Variants in KHDRBS2 observed in about 807,000 individuals in gnomAD.
KHDRBS2 encodes the protein KH RNA binding domain containing, signal transduction associated 2, also known as KH domain-containing, RNA-binding, signal transduction-associated protein 2.
In KHDRBS2, 26 loss-of-function variants were observed where a neutral mutation model predicts 44.3. That is an observed-to-expected ratio of 0.59 (90% CI 0.43 to 0.81). The LOEUF is 0.81. Among genes scored for constraint, KHDRBS2 ranks in the 40% least tolerant of loss-of-function variants. The probability of loss-of-function intolerance (pLI) is 0.00; values close to 1 mark genes in which losing one functional copy is unlikely to be tolerated. For synonymous variants in KHDRBS2, 194 were observed against 151.1 expected, an observed-to-expected ratio of 1.28 and a Z score of -2.08; for missense variants, 476 against 433.1, an observed-to-expected ratio of 1.10 and a Z score of -0.88.
intron 2 of KHDRBS2, among the ~76,000 whole-genome samples, chr6:62,119,357 G>A (rs1807057091): frequency 6.6e-6 from 1 of 152,156 alleles, no homozygotes; most frequent in South Asian, 2.1e-4. Flanking sequence ...TAAGTTCGCT[G>A]GACAAAGTGA....
chr6:61,714,199 A>G (rs920076695), intron 7 of KHDRBS2, among the ~76,000 whole-genome samples: 6 of 152,008 alleles, frequency 3.9e-5, no homozygotes, highest in Non-Finnish European at 8.8e-5. Context: ...ACTCAACATA[A>G]CAACAACAAA....
rs764399253 is a variant in KHDRBS2 at position 62,241,487 on chromosome 6, ATACATT to A, written c.91+44365_91+44370del. On this transcript the variant is annotated intron_variant, in intron 1 of 8. Coordinates refer to ENST00000281156, the MANE Select transcript of KHDRBS2 (RefSeq NM_152688.4). ...TAAGAAAACCAGCTGAGGTGAAAAAATACATTTACAAGTGCACTGTTCCACATAGTT... is the reference window on the plus strand; with the variant it reads ...TAAGAAAACCAGCTGAGGTGAAAAAATACAAGTGCACTGTTCCACATAGTT... 9.5e-4 allele frequency among the ~76,000 whole-genome samples: 144 copies of A among 152,312 alleles called. 1 individual carries two copies. The highest frequency in any genetic ancestry group is 1.6e-3 in the Non-Finnish European group (109 of 68,018).
intron 3 of KHDRBS2, among the ~76,000 whole-genome samples, chr6:62,047,464 C>T (rs74936322): frequency 1.3e-5 from 2 of 151,248 alleles, no homozygotes; most frequent in African/African-American, 4.9e-5. Flanking sequence ...GTAAGAGGAT[C>T]AAAGTGAAAT....
chr6:61,706,958 A>C (rs1037435974), intron 7 of KHDRBS2, among the ~76,000 whole-genome samples: 9 of 144,904 alleles, frequency 6.2e-5, no homozygotes, highest in African/African-American at 2.0e-4. Flanking sequence ...AAAAACAAAA[A>C]CAAAACAGTT....
At chr6:61,813,049 T>G (rs1188019617) in intron 6 of KHDRBS2, among the ~76,000 whole-genome samples, 2 of 152,090 alleles carry the variant, frequency 1.3e-5, no homozygotes, top group Non-Finnish European at 2.9e-5. Context: ...ATATGTAATG[T>G]GCAAAGTAAA....
At chr6:61,878,005 G>T (rs1799682378) in intron 6 of KHDRBS2, among the ~76,000 whole-genome samples, 1 of 151,898 alleles carries the variant, frequency 6.6e-6, no homozygotes, top group Non-Finnish European at 1.5e-5. Flanking sequence ...TCCATTTTTA[G>T]ATTATCTAAA....
chr6:61,983,581 G>A (rs537433230), intron 3 of KHDRBS2, among the ~76,000 whole-genome samples: 1 of 152,126 alleles, frequency 6.6e-6, no homozygotes, highest in African/African-American at 2.4e-5. Context: ...AAGTAGGGTG[G>A]TTGGTTCTTG....
At chr6:61,612,729 CAA>C in the KHDRBS2 span, among the ~76,000 whole-genome samples, 1 of 151,726 alleles carries the variant, frequency 6.6e-6, no homozygotes, top group Non-Finnish European at 1.5e-5. Context: ...GAAACTTGCC[CAA>C]GTCATCAACC....
intron 1 of KHDRBS2, among the ~76,000 whole-genome samples, chr6:62,203,487 T>G (rs903670761): frequency 9.2e-5 from 14 of 152,122 alleles, no homozygotes; most frequent in Non-Finnish European, 1.8e-4. Flanking sequence ...TTTGCACCAC[T>G]GGTAGTTGCA....
intron 6 of KHDRBS2, among the ~76,000 whole-genome samples, chr6:61,817,761 G>T (rs948932486): frequency 2.0e-5 from 3 of 151,616 alleles, no homozygotes; most frequent in African/African-American, 7.3e-5. Flanking sequence ...AGTCATTGGT[G>T]CATAATAAGT....
At chr6:61,749,009 C>CTTTTTTTTTTTTTT (rs34423906) in intron 6 of KHDRBS2, among the ~76,000 whole-genome samples, 4 of 97,220 alleles carry the variant, frequency 4.1e-5, no homozygotes, top group African/African-American at 8.2e-5. Flanking sequence ...TTCTTTCTTT[C>CTTTTTTTTTTTTTT]TTTTTTTTTT....
intron 1 of KHDRBS2, among the ~76,000 whole-genome samples, chr6:62,276,291 T>C (rs1401370879): frequency 6.6e-6 from 1 of 152,216 alleles, no homozygotes; most frequent in Non-Finnish European, 1.5e-5. Flanking sequence ...TAAATCAAGC[T>C]ATACTGTCTT....
chr6:62,116,765 C>T (rs1435182171), intron 2 of KHDRBS2, among the ~76,000 whole-genome samples: 1 of 152,006 alleles, frequency 6.6e-6, no homozygotes, highest in Non-Finnish European at 1.5e-5. Context: ...CTTTTCTGCG[C>T]CCTCCCACCC....
At chr6:61,920,793 TGAA>T (rs918149715) in intron 4 of KHDRBS2, among the ~76,000 whole-genome samples, 1 of 151,946 alleles carries the variant, frequency 6.6e-6, no homozygotes, top group African/African-American at 2.4e-5. Flanking sequence ...TGGTATGAAA[TGAA>T]GGTCTAAGGA....
intron 6 of KHDRBS2, among the ~76,000 whole-genome samples, chr6:61,873,897 T>C (rs1161041592): frequency 6.6e-6 from 1 of 152,002 alleles, no homozygotes; most frequent in African/African-American, 2.4e-5. Flanking sequence ...GGTCAATATA[T>C]CTGAGGAGAA....
chr6:61,681,175 G>A (rs748686704), intron 8 of KHDRBS2, 115 bp from the exon 9 acceptor site: 4 of 678,780 alleles, frequency 5.9e-6, no homozygotes, highest in African/African-American at 1.8e-5. Flanking sequence ...AACACCGAAC[G>A]CTAAAGCCTA....
chr6:62,285,371 C>T (rs1842342046), intron 1 of KHDRBS2, among the ~76,000 whole-genome samples: 1 of 152,166 alleles, frequency 6.6e-6, no homozygotes, highest in Admixed American at 6.5e-5. Flanking sequence ...TAGTTTAATG[C>T]ATAGGTTAAT....
intron 6 of KHDRBS2, among the ~76,000 whole-genome samples, chr6:61,882,488 C>G (rs1191633672): frequency 1.3e-5 from 2 of 151,980 alleles, no homozygotes; most frequent in East Asian, 3.9e-4. Context: ...AAATATGAGG[C>G]AGAAGGAATA....
chr6:61,729,456 C>T (rs1236172649), intron 7 of KHDRBS2, among the ~76,000 whole-genome samples: 2 of 152,106 alleles, frequency 1.3e-5, no homozygotes, highest in East Asian at 1.9e-4. Flanking sequence ...GGGTAAATAC[C>T]GAAGAGAAGA....
Sources: allele counts gnomAD v4.1 joint callset (sites outside exome capture counted in the v4.1 genomes callset), GRCh38; gene constraint gnomAD v4.1.1; transcripts MANE v1.5; gene names NCBI Gene and HGNC (gene_info 2026-07-23, HGNC 2026-07-21).